SMPD3: variants seen among roughly 807,000 people sequenced by gnomAD.
The protein encoded by SMPD3 is nSMase-2.
Under a neutral mutation model 55.7 loss-of-function variants are expected in SMPD3, and 21 were observed. That is an observed-to-expected ratio of 0.38 (90% confidence interval 0.27 to 0.54). The LOEUF (loss-of-function observed/expected upper bound fraction) is 0.54. Among genes scored for constraint, SMPD3 ranks in the 20% least tolerant of loss-of-function variants. The pLI, the probability that SMPD3 is intolerant of heterozygous loss-of-function variation, is 0.80. For missense variants in SMPD3, 842 were observed against 899.6 expected (o/e 0.94, Z 0.82); for synonymous variants, 457 against 404.3 (o/e 1.13, Z -1.56).
At chr16:68,389,845 G>T (rs1234029331) in intron 1 of SMPD3, among the ~76,000 whole-genome samples, 1 of 152,208 alleles carries the variant, frequency 6.6e-6, no homozygotes, top group African/African-American at 2.4e-5. Context: ...TGGGAAAGGG[G>T]TCCTGATCCA....
At chr16:68,436,468 G>A (rs1048106522) in intron 1 of SMPD3, among the ~76,000 whole-genome samples, 1 of 152,116 alleles carries the variant, frequency 6.6e-6, no homozygotes, top group Non-Finnish European at 1.5e-5. Flanking sequence ...TCACTGCACT[G>A]TAATTATCTA....
At chr16:68,435,962 T>C (rs944265436) in intron 1 of SMPD3, among the ~76,000 whole-genome samples, 2 of 152,176 alleles carry the variant, frequency 1.3e-5, no homozygotes, top group Non-Finnish European at 2.9e-5. Context: ...ACCAGAATCT[T>C]AGCTAATCCT....
chr16:68,362,628 G>A (rs1041387925), intron 7 of SMPD3, among the ~76,000 whole-genome samples: 4 of 152,240 alleles, frequency 2.6e-5, no homozygotes, highest in East Asian at 1.9e-4. Context: ...GTGCCTGGAC[G>A]GATGCAAAAG....
chr16:68,439,750 A>T (rs938441606), intron 1 of SMPD3, among the ~76,000 whole-genome samples: 1 of 152,192 alleles, frequency 6.6e-6, no homozygotes, highest in Non-Finnish European at 1.5e-5. Flanking sequence ...TTGGAAAAAA[A>T]GGTGATGGTT....
chr16:68,379,292 A>T (rs905890055), intron 2 of SMPD3, among the ~76,000 whole-genome samples: 1 of 152,224 alleles, frequency 6.6e-6, no homozygotes, highest in African/African-American at 2.4e-5. Context: ...GGTGTTGGAC[A>T]TGCAGGGCCA....
At chr16:68,369,751 G>C (rs1868157) in intron 3 of SMPD3, 92,943 of 152,212 alleles carry the variant, frequency 0.61, 28,695 homozygotes, top group East Asian at 0.79. Context: ...CAAGAGCCAT[G>C]GACGAACCAG....
intron 1 of SMPD3, among the ~76,000 whole-genome samples, chr16:68,438,878 A>G (rs2090545498): frequency 6.6e-6 from 1 of 152,226 alleles, no homozygotes; most frequent in Non-Finnish European, 1.5e-5. Flanking sequence ...CAGGCTCTGC[A>G]GTCAGATTGC....
chr16:68,420,238 C>CG, intron 1 of SMPD3, among the ~76,000 whole-genome samples: 1 of 152,168 alleles, frequency 6.6e-6, no homozygotes, highest in East Asian at 1.9e-4. Context: ...CCACCATGCC[C>CG]GGCCATTATT....
chr16:68,378,469 G>A (rs900061621), intron 2 of SMPD3, among the ~76,000 whole-genome samples: 11 of 152,126 alleles, frequency 7.2e-5, no homozygotes, highest in Admixed American at 4.6e-4. Flanking sequence ...CTGTGGCAGC[G>A]GCTCCTACAG....
chr16:68,389,720 G>A (rs559200379), intron 1 of SMPD3, among the ~76,000 whole-genome samples: 1 of 152,338 alleles, frequency 6.6e-6, no homozygotes, highest in East Asian at 1.9e-4. Flanking sequence ...GGGCCTCCCA[G>A]CCTCATGCTA....
chr16:68,409,617 G>A (rs1005519993), intron 1 of SMPD3, among the ~76,000 whole-genome samples: 1 of 152,050 alleles, frequency 6.6e-6, no homozygotes, highest in African/African-American at 2.4e-5. Flanking sequence ...TTTTTGAGAC[G>A]GAGTTTCACT....
At chr16:68,391,864 C>T (rs949213933) in intron 1 of SMPD3, among the ~76,000 whole-genome samples, 1 of 152,172 alleles carries the variant, frequency 6.6e-6, no homozygotes, top group Admixed American at 6.5e-5. Flanking sequence ...CTCTGACTTA[C>T]GATGGTGCGA....
intron 1 of SMPD3, among the ~76,000 whole-genome samples, chr16:68,433,955 C>G (rs537826994): frequency 1.3e-5 from 2 of 151,816 alleles, no homozygotes; most frequent in East Asian, 3.9e-4. Context: ...TTAAAAATGC[C>G]TAAATTTCAA....
intron 2 of SMPD3, among the ~76,000 whole-genome samples, chr16:68,385,616 C>T (rs1567795308): frequency 6.6e-6 from 1 of 152,162 alleles, no homozygotes; most frequent in African/African-American, 2.4e-5. Context: ...TGGTGACCAC[C>T]CTGGCAACCC....
In SMPD3 at chr16:68,371,440, C is replaced by T. The variant is rs879248387; in HGVS notation, c.742G>A (p.Gly248Ser). ...SPEDACIVRI[G>S]GEEGGRPPEA... ...GGTGGCCGGCCGCCCTCCTCGCCAC[C>T]GATGCGCACGATGCAGGCATCCTCC... The change falls in exon 3 of 9, where the codon GGT (glycine) becomes AGT (serine). Residue 248 changes from glycine (G) to serine (S), a missense_variant. Physicochemically the swap from Gly to Ser is moderately conservative, Grantham distance 56. Transcript: ENST00000219334. The T allele has an allele frequency of 7.6e-6, 12 of 1,581,664 alleles. No individual in the cohort carries two copies. The South Asian group carries it at 9.0e-5, about 12-fold the overall frequency.
At position 68,361,236 on chromosome 16, in the gene SMPD3, C is replaced by T; in HGVS notation, c.1938G>A (p.Leu646=). ...LTDHLPVAMR[L]MVSSGEEEA is the part of the protein sequence containing the mutation. Reference sequence around the variant, plus strand: ...CCTCCTCCTCCCCCGAAGACACCATCAGTCGCATGGCTACTGGCAGGTGGT... The same window carrying T: ...CCTCCTCCTCCCCCGAAGACACCATTAGTCGCATGGCTACTGGCAGGTGGT... Residue 646 remains leucine, a synonymous_variant, in exon 9 of 9, where the codon CTG becomes CTA. Transcript: ENST00000219334. 2 of 1,613,988 alleles carry T rather than the reference C, an allele frequency of 1.2e-6. No homozygotes were observed. Among genetic ancestry groups the T allele is most frequent in the South Asian group, 1.1e-5 (1 of 91,038 alleles).
At chr16:68,367,223 C>G (rs2089508484) in intron 3 of SMPD3, 2 of 152,416 alleles carry the variant, frequency 1.3e-5, no homozygotes, top group South Asian at 4.1e-4. Flanking sequence ...ACTGCTCCTC[C>G]TCCATGAGGA....
In SMPD3 at chr16:68,370,854, C is replaced by A; in HGVS notation, c.1323+5G>T. The A allele has an allele frequency of 1.2e-6, 2 of 1,613,212 alleles. No homozygotes were observed. The highest frequency in any genetic ancestry group is 1.7e-6 in the Non-Finnish European group (2 of 1,179,630). On this transcript the variant is annotated splice_donor_5th_base_variant and intron_variant, in intron 3 of 8. Transcript: ENST00000219334. Reference sequence around the variant, plus strand: ...TGGTCCTCAGGCTGGGCCGAGGTCTCCTACCTTGAGAAACAGAGCTCCCTT... The same window carrying A: ...TGGTCCTCAGGCTGGGCCGAGGTCTACTACCTTGAGAAACAGAGCTCCCTT...
chr16:68,369,491 A>T (rs2089589220), intron 3 of SMPD3: 1 of 142,846 alleles, frequency 7.0e-6, no homozygotes, highest in South Asian at 2.6e-4. Flanking sequence ...AGCCACCTGT[A>T]GTAGGGTGGG....
Sources: gnomAD v4.1 joint callset for allele counts (sites outside exome capture counted in the v4.1 genomes callset) on GRCh38, gnomAD v4.1.1 for gene constraint, MANE v1.5 for transcripts, NCBI Gene and HGNC (gene_info 2026-07-23, HGNC 2026-07-21) for gene names.